Variants in MEI4 observed in about 807,000 individuals in gnomAD.
MEI4 encodes the protein meiosis-specific protein MEI4.
A neutral mutation model predicts 31.4 loss-of-function variants in MEI4; 27 were observed. The observed-to-expected ratio is 0.86, with a 90% confidence interval of 0.63 to 1.19. MEI4 has a LOEUF of 1.19. Among genes scored for constraint, MEI4 ranks in the 50% most tolerant of loss-of-function variants. The pLI is 0.00. For synonymous variants in MEI4, 122 were observed against 145.4 expected (o/e 0.84, Z 1.16); for missense variants, 329 against 398.9 (o/e 0.82, Z 1.49).
chr6:77,881,280 T>C (rs1771482891), intron 4 of MEI4, among the ~76,000 whole-genome samples: 1 of 152,214 alleles, frequency 6.6e-6, no homozygotes, highest in Admixed American at 6.5e-5. Flanking sequence ...AAGAGAATTA[T>C]ACTATTCCAT....
intron 2 of MEI4, among the ~76,000 whole-genome samples, chr6:77,703,732 A>T (rs1479078384): frequency 6.6e-6 from 1 of 152,196 alleles, no homozygotes; most frequent in Non-Finnish European, 1.5e-5. Context: ...CCAGGTAGAT[A>T]GTTCTAGACT....
intron 4 of MEI4, among the ~76,000 whole-genome samples, chr6:77,881,272 GA>G (rs568845583): frequency 2.8e-4 from 42 of 152,220 alleles, no homozygotes; most frequent in African/African-American, 9.6e-4. Flanking sequence ...TATCCAACAA[GA>G]GAATTATACT....
intron 1 of MEI4, among the ~76,000 whole-genome samples, chr6:77,669,978 G>C (rs1207843958): frequency 6.6e-6 from 1 of 152,150 alleles, no homozygotes; most frequent in Non-Finnish European, 1.5e-5. Context: ...GTCAATCCTT[G>C]TAGTCTTCAT....
At position 77,874,280 on chromosome 6, in the gene MEI4, T is replaced by C. The variant is rs554708726; in HGVS notation, c.900+45218T>C. On this transcript the variant is annotated intron_variant, in intron 4 of 4. Transcript: ENST00000684080. ...TTTGTTTGTATCCTCTTTTATTTCC[T>C]TGAGCAGTGGTTTGTAGTTCTCCTT... Among the ~76,000 whole-genome samples, 213 of 152,314 alleles carry C rather than the reference T, an allele frequency of 1.4e-3. 1 individual carries two copies. Among genetic ancestry groups the C allele is most frequent in the African/African-American group, 4.5e-3 (187 of 41,560 alleles).
chr6:77,818,821 C>T (rs1408806280), intron 3 of MEI4, among the ~76,000 whole-genome samples: 1 of 152,130 alleles, frequency 6.6e-6, no homozygotes, highest in Non-Finnish European at 1.5e-5. Flanking sequence ...GCTTGGAACT[C>T]CTGGGCTCAA....
chr6:77,700,610 ACTGT>A (rs1323474243), intron 2 of MEI4, among the ~76,000 whole-genome samples: 3 of 152,140 alleles, frequency 2.0e-5, no homozygotes, highest in Non-Finnish European at 4.4e-5. Flanking sequence ...TCCTGCACTG[ACTGT>A]CTGGCACTCC....
At chr6:77,863,919 C>G (rs1018762143) in intron 4 of MEI4, among the ~76,000 whole-genome samples, 1 of 152,118 alleles carries the variant, frequency 6.6e-6, no homozygotes, top group Admixed American at 6.5e-5. Flanking sequence ...GAGTGGGGGC[C>G]AATATTCAAC....
chr6:77,798,509 T>C (rs1300830168), intron 3 of MEI4, among the ~76,000 whole-genome samples: 2 of 151,940 alleles, frequency 1.3e-5, no homozygotes. Context: ...ATTATTATTA[T>C]ACTTTAAGTT....
chr6:77,767,374 A>G (rs1768201920), intron 3 of MEI4, among the ~76,000 whole-genome samples: 2 of 151,560 alleles, frequency 1.3e-5, no homozygotes, highest in African/African-American at 4.9e-5. Context: ...GACTCCCTCA[A>G]TAAATAAATA....
intron 4 of MEI4, among the ~76,000 whole-genome samples, chr6:77,915,361 G>T (rs968928530): frequency 1.3e-5 from 2 of 152,004 alleles, no homozygotes; most frequent in African/African-American, 4.8e-5. Flanking sequence ...GCTTGTCTGG[G>T]AAATACTTAA....
At chr6:77,740,642 T>A (rs1429643535) in intron 2 of MEI4, among the ~76,000 whole-genome samples, 3 of 152,114 alleles carry the variant, frequency 2.0e-5, no homozygotes, top group African/African-American at 7.2e-5. Flanking sequence ...CATCAGTATA[T>A]GTGAGTGATT....
intron 3 of MEI4, among the ~76,000 whole-genome samples, chr6:77,772,564 A>G (rs1768343969): frequency 6.6e-6 from 1 of 152,018 alleles, no homozygotes; most frequent in African/African-American, 2.4e-5. Context: ...AATAGAAGTA[A>G]TATACCTCAA....
intron 3 of MEI4, among the ~76,000 whole-genome samples, chr6:77,772,215 G>A (rs1201347745): frequency 1.3e-5 from 2 of 149,264 alleles, no homozygotes; most frequent in African/African-American, 4.9e-5. Context: ...CATTCTAAAT[G>A]GCCAATATTA....
At chr6:77,650,880 C>G (rs1418428882), upstream of MEI4, among the ~76,000 whole-genome samples, 1 of 152,176 alleles carries the variant, frequency 6.6e-6, no homozygotes, top group Non-Finnish European at 1.5e-5. Context: ...GGTTCCTGAG[C>G]TTGGAAGAGA....
intron 4 of MEI4, among the ~76,000 whole-genome samples, chr6:77,899,142 A>T (rs1766140226): frequency 6.6e-6 from 1 of 152,052 alleles, no homozygotes; most frequent in Admixed American, 6.6e-5. Context: ...GGAATGTGAA[A>T]CGTGCATATG....
At position 77,736,560 on chromosome 6, in the gene MEI4, G is replaced by T. The variant is rs370551659; in HGVS notation, c.233-24570G>T. 2.1e-4 allele frequency among the ~76,000 whole-genome samples: 32 copies of T among 152,190 alleles called. 1 individual carries two copies. Among genetic ancestry groups the T allele is most frequent in the African/African-American group, 6.8e-4 (28 of 41,468 alleles). On this transcript the variant is annotated intron_variant, in intron 2 of 4. Transcript: ENST00000684080. ...GGCACTCCCTAATGAGATGAACCCT[G>T]TACCTCAGATGGAAATGCAGAAATC...
intron 4 of MEI4, among the ~76,000 whole-genome samples, chr6:77,886,393 G>T (rs771885097): frequency 1.1e-4 from 17 of 151,346 alleles, no homozygotes; most frequent in Non-Finnish European, 2.2e-4. Flanking sequence ...TAGGTTGTAC[G>T]TGTCCAAGAA....
At position 77,771,176 on chromosome 6, in the gene MEI4, A is replaced by G. The variant is rs1434318849; in HGVS notation, c.768+9511A>G. Reference sequence around the variant, plus strand: ...GAAGACATACATGTGGCTAACAAGCATATGAAAAAAATGCTCAACATTACT... The same window carrying G: ...GAAGACATACATGTGGCTAACAAGCGTATGAAAAAAATGCTCAACATTACT... On this transcript the variant is annotated intron_variant, in intron 3 of 4. Transcript: ENST00000684080. 2.0e-5 allele frequency among the ~76,000 whole-genome samples: 3 copies of G among 152,340 alleles called. No homozygotes were observed. The East Asian group carries it at 5.8e-4, about 29-fold the overall frequency.
At chr6:77,783,569 A>G (rs1394651032) in intron 3 of MEI4, among the ~76,000 whole-genome samples, 1 of 152,200 alleles carries the variant, frequency 6.6e-6, no homozygotes, top group Non-Finnish European at 1.5e-5. Flanking sequence ...TACTTCATCA[A>G]AAGTTTTAAT....
Sources: gnomAD v4.1 joint callset for allele counts (sites outside exome capture counted in the v4.1 genomes callset) on GRCh38, gnomAD v4.1.1 for gene constraint, MANE v1.5 for transcripts, NCBI Gene and HGNC (gene_info 2026-07-23, HGNC 2026-07-21) for gene names.